BLTP3B: variants seen among roughly 807,000 people sequenced by gnomAD.
The protein encoded by BLTP3B is UHRF1 (ICBP90) binding protein 1-like.
the BLTP3B span, among the ~76,000 whole-genome samples, chr12:100,065,727 G>T: frequency 6.6e-6 from 1 of 152,162 alleles, no homozygotes; most frequent in Non-Finnish European, 1.5e-5. Flanking sequence ...ATGCACAGCT[G>T]AACATAGACC....
chr12:100,102,820 T>C, the BLTP3B span: 2 of 1,608,088 alleles, frequency 1.2e-6, no homozygotes, highest in South Asian at 2.2e-5. Context: ...TCTTGGTTCT[T>C]CACATGTACT....
the BLTP3B span, among the ~76,000 whole-genome samples, chr12:100,070,662 A>G: frequency 1.3e-5 from 2 of 152,094 alleles, no homozygotes; most frequent in African/African-American, 4.8e-5. Flanking sequence ...GGCAAAATCT[A>G]TGGTATAAGG....
the BLTP3B span, among the ~76,000 whole-genome samples, chr12:100,115,765 AAAAAAAAC>A: frequency 6.6e-6 from 1 of 152,074 alleles, no homozygotes; most frequent in Non-Finnish European, 1.5e-5. Context: ...CTGTCTGGGA[AAAAAAAAC>A]AAAAAAACAA....
At chr12:100,141,323 A>T in the BLTP3B span, among the ~76,000 whole-genome samples, 1 of 149,590 alleles carries the variant, frequency 6.7e-6, no homozygotes, top group African/African-American at 2.5e-5. Flanking sequence ...CTACTAAAAA[A>T]ATACTACATA....
chr12:100,111,144 C>T, the BLTP3B span, among the ~76,000 whole-genome samples: 1 of 151,954 alleles, frequency 6.6e-6, no homozygotes, highest in African/African-American at 2.4e-5. Context: ...TATATGTTGC[C>T]AGTCTTATAA....
the BLTP3B span, among the ~76,000 whole-genome samples, chr12:100,046,887 T>C: frequency 2.0e-5 from 3 of 152,108 alleles, no homozygotes; most frequent in African/African-American, 7.2e-5. Flanking sequence ...GTAAGTACCA[T>C]TATAAGGAGT....
At chr12:100,137,494 T>C in the BLTP3B span, among the ~76,000 whole-genome samples, 101 of 152,274 alleles carry the variant, frequency 6.6e-4, no homozygotes, top group African/African-American at 2.4e-3. Flanking sequence ...ATTTTTGTAT[T>C]TGGGGTAGAG....
the BLTP3B span, chr12:100,047,665 A>G: frequency 2.1e-6 from 3 of 1,455,822 alleles, no homozygotes; most frequent in Non-Finnish European, 1.9e-6. Context: ...TAACATTGAC[A>G]TGTTACTTCA....
the BLTP3B span, chr12:100,051,368 T>C: frequency 5.6e-5 from 33 of 594,124 alleles, no homozygotes; most frequent in Admixed American, 1.9e-4. Context: ...AAAAATTAGA[T>C]TGTAATTAGT....
the BLTP3B span, among the ~76,000 whole-genome samples, chr12:100,109,159 CCTCTCTCTCTCTCTCTCTCTCTCT>C: frequency 2.5e-3 from 163 of 65,370 alleles, 2 homozygotes; most frequent in Middle Eastern, 9.6e-3. Flanking sequence ...TGGCAGTTTT[CCTCTCTCTCTCTCTCTCTCTCTCT>C]CTCTCTCTCT....
chr12:100,065,390 G>GT, the BLTP3B span, among the ~76,000 whole-genome samples: 7 of 152,046 alleles, frequency 4.6e-5, no homozygotes, highest in Non-Finnish European at 8.8e-5. Context: ...GAGCAGAACA[G>GT]AGCCATATTT....
At chr12:100,138,867 ACACAC>A in the BLTP3B span, among the ~76,000 whole-genome samples, 2 of 90,818 alleles carry the variant, frequency 2.2e-5, no homozygotes, top group African/African-American at 1.6e-4. Context: ...ACATACACAT[ACACAC>A]ACACACACAC....
chr12:100,124,970 ATATATATATT>A, the BLTP3B span, among the ~76,000 whole-genome samples: 1 of 101,080 alleles, frequency 9.9e-6, no homozygotes, highest in East Asian at 3.0e-4. Flanking sequence ...ATATATATAT[ATATATATATT>A]TATATTTATT....
the BLTP3B span, among the ~76,000 whole-genome samples, chr12:100,038,469 G>A: frequency 6.6e-6 from 1 of 152,132 alleles, no homozygotes; most frequent in Non-Finnish European, 1.5e-5. Context: ...CTGAGTAGCT[G>A]GGATTACAAG....
the BLTP3B span, among the ~76,000 whole-genome samples, chr12:100,066,230 CT>C: frequency 6.6e-6 from 1 of 152,096 alleles, no homozygotes; most frequent in African/African-American, 2.4e-5. Flanking sequence ...AGTAGCTATT[CT>C]TGTATCAGAC....
chr12:100,084,676 G>A, the BLTP3B span: 1 of 1,599,232 alleles, frequency 6.3e-7, no homozygotes, highest in Admixed American at 1.7e-5. Context: ...ATGAACAACA[G>A]GTATTTCATT....
At chr12:100,141,696 C>T in the BLTP3B span, among the ~76,000 whole-genome samples, 1 of 152,166 alleles carries the variant, frequency 6.6e-6, no homozygotes, top group African/African-American at 2.4e-5. Context: ...GGATCCTAAC[C>T]AAGGGCTTTG....
chr12:100,054,039 A>G, the BLTP3B span, among the ~76,000 whole-genome samples: 1 of 152,200 alleles, frequency 6.6e-6, no homozygotes, highest in Non-Finnish European at 1.5e-5. Flanking sequence ...TCCTAAAAAT[A>G]GTCTACTGCT....
chr12:100,046,035 C>T, the BLTP3B span, among the ~76,000 whole-genome samples: 3 of 152,178 alleles, frequency 2.0e-5, no homozygotes, highest in Non-Finnish European at 4.4e-5. Context: ...GATACCATCT[C>T]ACGTCAGTTA....
Sources: allele counts gnomAD v4.1 joint callset (sites outside exome capture counted in the v4.1 genomes callset), GRCh38; gene constraint gnomAD v4.1.1; transcripts MANE v1.5; gene names NCBI Gene and HGNC (gene_info 2026-07-23, HGNC 2026-07-21).